The following NRIP2 variants were observed in gnomAD, a reference collection of about 807,000 sequenced individuals.
NRIP2 encodes the protein nuclear receptor interacting protein 2.
In NRIP2, 27 loss-of-function variants were observed where a neutral mutation model predicts 34.1. That is an observed-to-expected ratio of 0.79 (90% CI 0.58 to 1.09). NRIP2 has a LOEUF of 1.09. Among genes scored for constraint, NRIP2 ranks in the 50% least tolerant of loss-of-function variants. The pLI is 0.00. For missense variants in NRIP2, 385 were observed against 352.6 expected, an observed-to-expected ratio of 1.09 and a Z score of -0.74; for synonymous variants, 145 against 146.9, an observed-to-expected ratio of 0.99 and a Z score of 0.09.
In NRIP2 at chr12:2,827,861, C is replaced by T; in HGVS notation, c.700+65G>A. 7 of 1,611,060 alleles carry T rather than the reference C, an allele frequency of 4.3e-6. No homozygotes were observed. The Admixed American group carries it at 5.0e-5, about 12-fold the overall frequency. ...TGCTGCAGGGAGTGAAAGTCTCAGCCTTTGCCCCACCCCAAAGAGAAAGGT... is the reference window on the plus strand; with the variant it reads ...TGCTGCAGGGAGTGAAAGTCTCAGCTTTTGCCCCACCCCAAAGAGAAAGGT... On this transcript the variant is annotated intron_variant, in intron 4 of 5. Coordinates refer to ENST00000337508, the MANE Select transcript of NRIP2 (RefSeq NM_031474.3). This position sits in a 1 kb window ranked among gnomAD's most constrained non-coding sequence, Gnocchi z 4.0.
At position 2,827,616 on chromosome 12, in the gene NRIP2, G is replaced by A. The variant is rs1282035703; in HGVS notation, c.753+9C>T. 1.9e-6 allele frequency: 3 copies of A among 1,614,048 alleles called. No homozygotes were observed. The highest frequency in any genetic ancestry group is 2.5e-6 in the Non-Finnish European group (3 of 1,180,046). ...GTGCTTTGGGTCAGGCCCTGAGTGG[G>A]TGCCTTACCTTGAGAGAAAGCAGAG... On this transcript the variant is annotated intron_variant, in intron 5 of 5. Coordinates refer to ENST00000337508, the MANE Select transcript of NRIP2 (RefSeq NM_031474.3). The surrounding 1 kb of genome is among the most constrained non-coding windows in gnomAD (Gnocchi z 4.0).
chr12:2,834,882 C>G lies in NRIP2; in HGVS notation c.102G>C (p.Ser34=). The change falls in exon 1 of 6, where the codon TCG becomes TCC. Residue 34 remains serine, a synonymous_variant. Coordinates refer to ENST00000337508, the MANE Select transcript of NRIP2 (RefSeq NM_031474.3). ...AGGGGCTGCTCGGTGGGGGCGTCAC[C>G]GAGTCCTCTCTGCTTCTTCCTGCCT... ...QRQAGRSRED[S]VTPPPSSPWP... is the part of the protein sequence containing the mutation. 1 of 1,613,836 alleles carries G rather than the reference C, an allele frequency of 6.2e-7. No individual in the cohort carries two copies. The highest frequency in any genetic ancestry group is 8.5e-7 in the Non-Finnish European group (1 of 1,179,956).
At chr12:2,830,933 T>G (rs147360720) in intron 1 of NRIP2, 73 bp from the exon 2 acceptor site, 27 of 1,529,926 alleles carry the variant, frequency 1.8e-5, no homozygotes, top group Middle Eastern at 2.4e-4. Flanking sequence ...TTACCCCACT[T>G]AGATACCCCA....
At chr12:2,832,744 C>G (rs998276871) in intron 1 of NRIP2, among the ~76,000 whole-genome samples, 1 of 149,462 alleles carries the variant, frequency 6.7e-6, no homozygotes, top group African/African-American at 2.5e-5. Context: ...CATGGCTCAG[C>G]ATCTAGTAGG....
chr12:2,833,883 A>G (rs1424887379), intron 1 of NRIP2, among the ~76,000 whole-genome samples: 5 of 152,242 alleles, frequency 3.3e-5, no homozygotes, highest in Admixed American at 2.6e-4. Flanking sequence ...CGTAAAGTCA[A>G]TTGCACAAGT....
chr12:2,832,030 C>T (rs2098005758), intron 1 of NRIP2, among the ~76,000 whole-genome samples: 1 of 152,098 alleles, frequency 6.6e-6, no homozygotes, highest in Non-Finnish European at 1.5e-5. Flanking sequence ...GGAGCTTCAG[C>T]CTGGAAGCTA....
chr12:2,828,549 T>C, intron 2 of NRIP2, 135 bp from the exon 3 acceptor site: 1 of 737,892 alleles, frequency 1.4e-6, no homozygotes. Flanking sequence ...TAAAACTGGC[T>C]TTTATCGGGG....
rs746133559 is a variant in NRIP2 at position 2,830,836 on chromosome 12, G to A, written c.367C>T (p.Arg123Cys). The stretch of plus-strand genomic sequence containing the variant: ...CAATTCGGGTTTCCCTCCACCAGGC[G>A]TCTTTGGATCACACTGCGCGGCTGC... ...DLQPRSVIQR[R>C]LVEGNPNWLQ... The change falls in exon 2 of 6, where the codon CGC becomes TGC. Residue 123 changes from arginine (R) to cysteine (C), a missense_variant. By Grantham distance (180) the Arg-to-Cys change is radical. Transcript: ENST00000337508. The A allele has an allele frequency of 4.9e-5, 79 of 1,613,424 alleles. No individual in the cohort carries two copies. The highest frequency in any genetic ancestry group is 1.6e-4 in the Middle Eastern group (1 of 6,072).
rs544417446 is a variant in NRIP2 at position 2,827,256 on chromosome 12, G to A, written c.797C>T (p.Pro266Leu). 1.4e-4 allele frequency: 218 copies of A among 1,613,934 alleles called. No individual in the cohort carries two copies. Among genetic ancestry groups the A allele is most frequent in the Non-Finnish European group, 1.7e-4 (204 of 1,180,010 alleles). Residue 266 changes from proline (P) to leucine (L), a missense_variant, in exon 6 of 6, where the codon CCG (proline) becomes CTG (leucine). Pro to Leu is a moderately conservative substitution (Grantham distance 98). Coordinates refer to ENST00000337508, the MANE Select transcript of NRIP2 (RefSeq NM_031474.3). This position sits in a 1 kb window ranked among gnomAD's most constrained non-coding sequence, Gnocchi z 4.0. ...AGGCAGGAAGGGTAGCTCTGAGAACGGGGCTTTCAGCCGCAGCACTCCGTG... is the reference window on the plus strand; with the variant it reads ...AGGCAGGAAGGGTAGCTCTGAGAACAGGGCTTTCAGCCGCAGCACTCCGTG... Reference protein sequence around the residue: ...LEHGVLRLKAPFSELPFLPLY... With the variant: ...LEHGVLRLKALFSELPFLPLY...
rs936407691 is a variant in NRIP2 at position 2,825,948 on chromosome 12, G to A, written c.*1259C>T. 6.6e-6 allele frequency: 1 copy of A among 152,144 alleles called. No individual in the cohort carries two copies. The highest frequency in any genetic ancestry group is 6.6e-5 in the Admixed American group (1 of 15,260). 9.4% of individuals were successfully genotyped at this position (152,144 alleles called of 1,614,324 possible). On this transcript the variant is annotated 3_prime_UTR_variant, in exon 6 of 6. Transcript: ENST00000337508. ...TGGCTAATTTTTGTATTTTTTAGTA[G>A]AGATGGGGTTTTGCCATATTACCCA...
intron 2 of NRIP2, 131 bp downstream of exon 2, chr12:2,830,577 G>C: frequency 1.0e-6 from 1 of 980,390 alleles, no homozygotes; most frequent in Non-Finnish European, 1.5e-6. Context: ...TCCTGGTTAG[G>C]TCCAGGCTAG....
Position 2,826,480 on chromosome 12 carries a change from G to C in NRIP2, c.*727C>G. 1 of 152,150 alleles carries C rather than the reference G, an allele frequency of 6.6e-6. No homozygotes were observed. The highest frequency in any genetic ancestry group is 1.9e-4 in the East Asian group (1 of 5,188). 9.4% of individuals were successfully genotyped at this position (152,150 alleles called of 1,614,324 possible). On this transcript the variant is annotated 3_prime_UTR_variant, in exon 6 of 6. Coordinates refer to ENST00000337508, the MANE Select transcript of NRIP2 (RefSeq NM_031474.3). ...CACGCAAGGCTCAGGGGCTCGGTGG[G>C]TACAAAAAGCCAGTGGAAACGGATA... is the stretch of plus-strand genomic sequence containing the variant.
intron 1 of NRIP2, among the ~76,000 whole-genome samples, chr12:2,833,203 G>A (rs1327950172): frequency 6.6e-6 from 1 of 152,036 alleles, no homozygotes; most frequent in Non-Finnish European, 1.5e-5. Context: ...CTGCCACTCC[G>A]GGATGGCAAT....
intron 1 of NRIP2, 157 bp from the exon 2 acceptor site, chr12:2,831,017 A>T (rs1195544978): frequency 1.1e-5 from 7 of 616,576 alleles, no homozygotes; most frequent in Non-Finnish European, 1.1e-5. Context: ...TAATGAGAGC[A>T]GAGTAAGCCC....
In NRIP2 at chr12:2,834,659, C is replaced by T. The variant is rs754860201; in HGVS notation, c.325G>A (p.Gly109Ser). The T allele has an allele frequency of 1.4e-5, 23 of 1,600,814 alleles. No homozygotes were observed. The highest frequency in any genetic ancestry group is 1.8e-5 in the Non-Finnish European group (21 of 1,173,044). The change falls in exon 1 of 6, where the codon GGC becomes AGC. Residue 109 changes from glycine (G) to serine (S), a missense_variant. Transcript: ENST00000337508. Reference sequence around the variant, plus strand: ...TGCCTCACCAAGTCCTTGGAGGTGCCGAGCCTCTTGAGGCTGTCCAGCGGG... The same window carrying T: ...TGCCTCACCAAGTCCTTGGAGGTGCTGAGCCTCTTGAGGCTGTCCAGCGGG... ...LLPLDSLKRL[G>S]TSKDLQPRSV...
chr12:2,833,676 C>G (rs2098014279), intron 1 of NRIP2, among the ~76,000 whole-genome samples: 1 of 152,120 alleles, frequency 6.6e-6, no homozygotes, highest in African/African-American at 2.4e-5. Flanking sequence ...TCCTCTCTTC[C>G]ACGGGTCAGA....
chr12:2,834,476 C>T (rs7301350), intron 1 of NRIP2, among the ~76,000 whole-genome samples, 166 bp downstream of exon 1: 23,141 of 152,204 alleles, frequency 0.15, 1,898 homozygotes, highest in South Asian at 0.33. Flanking sequence ...TGGGAACATC[C>T]CCGGTGAAGA....
At chr12:2,831,623 G>T (rs984597781) in intron 1 of NRIP2, among the ~76,000 whole-genome samples, 4 of 151,858 alleles carry the variant, frequency 2.6e-5, no homozygotes, top group Non-Finnish European at 5.9e-5. Flanking sequence ...TAAGAACTAG[G>T]ATGCTGGGAG....
intron 1 of NRIP2, among the ~76,000 whole-genome samples, chr12:2,831,309 C>T (rs919126754): frequency 2.6e-5 from 4 of 151,836 alleles, no homozygotes; most frequent in Non-Finnish European, 5.9e-5. Flanking sequence ...CTAGGCCAGG[C>T]GTGGTGGCTC....
Sources: gnomAD v4.1 joint callset for allele counts (sites outside exome capture counted in the v4.1 genomes callset) on GRCh38, gnomAD v4.1.1 for gene constraint, Gnocchi (gnomAD v3.1) non-coding constraint, MANE v1.5 for transcripts, NCBI Gene and HGNC (gene_info 2026-07-23, HGNC 2026-07-21) for gene names.